The following CCDC186 variants were observed in gnomAD, a reference collection of about 807,000 sequenced individuals.
The protein encoded by CCDC186 is coiled-coil domain containing 186.
In CCDC186, 49 loss-of-function variants were observed where a neutral mutation model predicts 113.7. That is an observed-to-expected ratio of 0.43 (90% confidence interval 0.34 to 0.55). CCDC186 has a LOEUF of 0.55. Among genes scored for constraint, CCDC186 ranks in the 20% least tolerant of loss-of-function variants. The pLI is 0.02. For synonymous variants in CCDC186, 355 were observed against 345.8 expected (o/e 1.03, Z -0.30); for missense variants, 890 against 1,011.1 (o/e 0.88, Z 1.62).
intron 6 of CCDC186, among the ~76,000 whole-genome samples, chr10:114,140,142 C>T (rs1175951221): frequency 6.6e-6 from 1 of 152,048 alleles, no homozygotes; most frequent in African/African-American, 2.4e-5. Flanking sequence ...ACACTAAATA[C>T]AATACATAAG....
At position 114,122,432 on chromosome 10, in the gene CCDC186, T is replaced by C. The variant is rs1335978449; in HGVS notation, c.*2711A>G. 2.0e-5 allele frequency: 3 copies of C among 152,022 alleles called. No individual in the cohort carries two copies. The highest frequency in any genetic ancestry group is 4.4e-5 in the Non-Finnish European group (3 of 68,000). 9.4% of individuals were successfully genotyped at this position (152,022 alleles called of 1,614,324 possible). A position where few individuals can be genotyped will look rare whatever the true frequency, so the allele number is the denominator to read the frequency against. On this transcript the variant is annotated 3_prime_UTR_variant, in exon 16 of 16. Coordinates refer to ENST00000369287, the MANE Select transcript of CCDC186 (RefSeq NM_018017.4). ...CTGAAGTGGTATGGGGAAAATGGAGTCATGGCAAATATTCACTTCAAAATT... is the reference window on the plus strand; with the variant it reads ...CTGAAGTGGTATGGGGAAAATGGAGCCATGGCAAATATTCACTTCAAAATT...
In CCDC186 at chr10:114,121,379, G is replaced by A. The variant is rs2030718249; in HGVS notation, c.*3764C>T. On this transcript the variant is annotated 3_prime_UTR_variant, in exon 16 of 16. Coordinates refer to ENST00000369287, the MANE Select transcript of CCDC186 (RefSeq NM_018017.4). Reference sequence around the variant, plus strand: ...ATATAACAACATTTACATTATTAAGGATTCTATTTTTTTCTTTTACTGATA... The same window carrying A: ...ATATAACAACATTTACATTATTAAGAATTCTATTTTTTTCTTTTACTGATA... 1 of 151,998 alleles carries A rather than the reference G, an allele frequency of 6.6e-6. No homozygotes were observed. The highest frequency in any genetic ancestry group is 1.5e-5 in the Non-Finnish European group (1 of 68,002). 9.4% of individuals were successfully genotyped at this position (151,998 alleles called of 1,614,324 possible). A position where few individuals can be genotyped will look rare whatever the true frequency, so the allele number is the denominator to read the frequency against.
Position 114,121,114 on chromosome 10 carries a change from A to G in CCDC186, c.*4029T>C, listed in dbSNP as rs1035197455. 6.6e-5 allele frequency: 10 copies of G among 152,158 alleles called. No homozygotes were observed. The highest frequency in any genetic ancestry group is 2.4e-4 in the African/African-American group (10 of 41,448). 9.4% of individuals were successfully genotyped at this position (152,158 alleles called of 1,614,324 possible). On this transcript the variant is annotated 3_prime_UTR_variant, in exon 16 of 16. Transcript: ENST00000369287. ...TCCAGAAGAAAAATACATCTCTAAT[A>G]TACAATTATATTTTTCATTTATTTT...
rs573907326 is a variant in CCDC186 at position 114,146,485 on chromosome 10, C to T, written c.889-724G>A. 2.6e-5 allele frequency among the ~76,000 whole-genome samples: 4 copies of T among 152,276 alleles called. No individual in the cohort carries two copies. The East Asian group carries it at 7.7e-4, about 29-fold the overall frequency. On this transcript the variant is annotated intron_variant, in intron 4 of 15. Coordinates refer to ENST00000369287, the MANE Select transcript of CCDC186 (RefSeq NM_018017.4). ...CGAAAATTAAGTAGCCATATGCTAA[C>T]AAATGACCATTTAATTTCCTATTTA...
chr10:114,150,723 A>C (rs2119805060), intron 4 of CCDC186, among the ~76,000 whole-genome samples: 1 of 152,238 alleles, frequency 6.6e-6, no homozygotes, highest in Admixed American at 6.5e-5. Context: ...ATCTCGGCTC[A>C]CTGCAACCTC....
At chr10:114,157,179 T>A (rs929249217) in intron 3 of CCDC186, among the ~76,000 whole-genome samples, 6 of 74,274 alleles carry the variant, frequency 8.1e-5, no homozygotes, top group Admixed American at 6.8e-4. Context: ...GTTTTCAGAA[T>A]TTTTTTTTTT....
chr10:114,165,897 T>C (rs967555278), intron 1 of CCDC186: 52 of 981,914 alleles, frequency 5.3e-5, no homozygotes, highest in Admixed American at 1.9e-4. Context: ...AGTCAAATTA[T>C]ACCTCTTCAT....
At chr10:114,152,167 C>A (rs535388819) in intron 3 of CCDC186, among the ~76,000 whole-genome samples, 2 of 152,036 alleles carry the variant, frequency 1.3e-5, no homozygotes, top group Non-Finnish European at 2.9e-5. Context: ...ACAGCAAGAC[C>A]CAATCTCTAC....
rs896976802 is a variant in CCDC186, at chr10:114,151,081, G to A, written c.888+11C>T. ...ATATCAAGTTAATAATGACAACGAT[G>A]TGAGAAATACCTGTTCCATCCGTTG... On this transcript the variant is annotated intron_variant, in intron 4 of 15. Coordinates refer to ENST00000369287, the MANE Select transcript of CCDC186 (RefSeq NM_018017.4). 1 of 1,605,920 alleles carries A rather than the reference G, an allele frequency of 6.2e-7. No homozygotes were observed. Among genetic ancestry groups the A allele is most frequent in the Non-Finnish European group, 8.5e-7 (1 of 1,177,924 alleles).
intron 1 of CCDC186, among the ~76,000 whole-genome samples, chr10:114,169,115 G>C (rs1413135399): frequency 6.6e-6 from 1 of 151,848 alleles, no homozygotes; most frequent in Non-Finnish European, 1.5e-5. Context: ...TAACTTTAAG[G>C]TTTGCCAGGG....
chr10:114,173,609 G>C (rs987359115), intron 1 of CCDC186, among the ~76,000 whole-genome samples: 2 of 152,172 alleles, frequency 1.3e-5, no homozygotes, highest in Non-Finnish European at 2.9e-5. Context: ...CCCACATACA[G>C]TCAACTTGAG....
intron 14 of CCDC186, 42 bp downstream of exon 14, chr10:114,127,419 C>A (rs185180437): frequency 6.4e-7 from 1 of 1,555,890 alleles, no homozygotes; most frequent in Non-Finnish European, 8.8e-7. Flanking sequence ...ATATGAGTAA[C>A]GGTATTTTGA....
intron 2 of CCDC186, among the ~76,000 whole-genome samples, chr10:114,159,354 C>T (rs900882168): frequency 1.3e-5 from 2 of 152,130 alleles, no homozygotes; most frequent in African/African-American, 4.8e-5. Flanking sequence ...AATGCATATT[C>T]TATATACAGA....
chr10:114,173,447 C>G (rs575772224), intron 1 of CCDC186, among the ~76,000 whole-genome samples: 1 of 152,264 alleles, frequency 6.6e-6, no homozygotes, highest in Admixed American at 6.5e-5. Context: ...TCCTTACCAA[C>G]CAAGGTTTAT....
rs368930239 is a variant in CCDC186, at chr10:114,160,632, T to G, written c.632+2005A>C. On this transcript the variant is annotated intron_variant, in intron 2 of 15. Transcript: ENST00000369287. Reference sequence around the variant, plus strand: ...GTATATCAAATCATCACATTGTACCTCTTTAAATATATACAATTTTATCAG... The same window carrying G: ...GTATATCAAATCATCACATTGTACCGCTTTAAATATATACAATTTTATCAG... Among the ~76,000 whole-genome samples, 535 of 150,656 alleles carry G rather than the reference T, an allele frequency of 3.6e-3. 2 individuals carry two copies. Among genetic ancestry groups the G allele is most frequent in the Non-Finnish European group, 5.9e-3 (402 of 67,624 alleles).
At chr10:114,135,816 C>G (rs2031240647) in intron 9 of CCDC186, 75 bp downstream of exon 9, 20 of 1,209,784 alleles carry the variant, frequency 1.7e-5, no homozygotes, top group Non-Finnish European at 2.3e-5. Flanking sequence ...TTCCCCACCA[C>G]TTTAAAAATC....
chr10:114,170,329 A>G (rs565302983), intron 1 of CCDC186, among the ~76,000 whole-genome samples: 1 of 150,102 alleles, frequency 6.7e-6, no homozygotes, highest in East Asian at 1.9e-4. Context: ...CTAACTTTTT[A>G]TTATTAGAAA....
intron 4 of CCDC186, among the ~76,000 whole-genome samples, chr10:114,147,893 C>A (rs749776586): frequency 1.3e-5 from 2 of 148,790 alleles, no homozygotes; most frequent in Non-Finnish European, 2.9e-5. Context: ...CTTTGGGAGA[C>A]TGAGGTGAGC....
intron 13 of CCDC186, among the ~76,000 whole-genome samples, chr10:114,128,974 G>C (rs1383487745): frequency 6.6e-6 from 1 of 152,094 alleles, no homozygotes; most frequent in Non-Finnish European, 1.5e-5. Context: ...AACGGAAGAG[G>C]AAGCTGTTGC....
Sources: gnomAD v4.1 joint callset for allele counts (sites outside exome capture counted in the v4.1 genomes callset) on GRCh38, gnomAD v4.1.1 for gene constraint, MANE v1.5 for transcripts, NCBI Gene and HGNC (gene_info 2026-07-23, HGNC 2026-07-21) for gene names.